Variants in EAF2 observed in about 807,000 individuals in gnomAD.
EAF2 encodes ELL-associated factor 2.
EAF2 carries 29 observed loss-of-function variants against 29.4 expected under a neutral mutation model. The ratio of observed to expected loss-of-function variants is 0.99; its 90% CI spans 0.73 to 1.35. The LOEUF is 1.35. Ranked by LOEUF, EAF2 falls within the 40% of genes most tolerant of loss-of-function variation. The pLI is 0.00. For synonymous variants in EAF2, 103 were observed against 102.5 expected (o/e 1.00, Z -0.03); for missense variants, 292 against 312.0 (o/e 0.94, Z 0.48).
chr3:121,868,728 A>G (rs1205737342), intron 4 of EAF2, among the ~76,000 whole-genome samples: 16 of 152,214 alleles, frequency 1.1e-4, no homozygotes. Flanking sequence ...TGAAGCAAAA[A>G]CTGCTAGAAC....
At chr3:121,876,429 CAGA>C (rs1709096713) in intron 5 of EAF2, among the ~76,000 whole-genome samples, 1 of 151,270 alleles carries the variant, frequency 6.6e-6, no homozygotes, top group Non-Finnish European at 1.5e-5. Flanking sequence ...AAAGTGAAAA[CAGA>C]AGGAAAGTGT....
At chr3:121,845,064 A>G (rs542638582) in intron 2 of EAF2, among the ~76,000 whole-genome samples, 1 of 151,970 alleles carries the variant, frequency 6.6e-6, no homozygotes, top group East Asian at 1.9e-4. Flanking sequence ...GAATAAGCAA[A>G]CAGAACAGTA....
intron 3 of EAF2, 110 bp downstream of exon 3, chr3:121,854,933 C>T: frequency 9.2e-7 from 1 of 1,091,776 alleles, no homozygotes; most frequent in Non-Finnish European, 1.2e-6. Context: ...CTGTGTGGTA[C>T]AAAAATGTTT....
At chr3:121,854,432 G>T (rs1249017135) in intron 2 of EAF2, among the ~76,000 whole-genome samples, 1 of 151,496 alleles carries the variant, frequency 6.6e-6, no homozygotes, top group South Asian at 2.1e-4. Flanking sequence ...ATAGGCCAAA[G>T]AAACAAATCT....
Position 121,873,246 on chromosome 3 carries a change from A to T in EAF2, c.736+458A>T, listed in dbSNP as rs1709048016. The T allele has an allele frequency of 6.0e-6, 3 of 502,826 alleles. No homozygotes were observed. The Admixed American group carries it at 1.1e-4, about 19-fold the overall frequency. The allele number at this position is 502,826 out of a possible 1,614,324, so 31.1% of individuals were successfully genotyped here. Reference sequence around the variant, plus strand: ...CCATCATCTCATCACCTTCAAATTTACTTTGTCCAAAACCAACTCATAATC... The same window carrying T: ...CCATCATCTCATCACCTTCAAATTTTCTTTGTCCAAAACCAACTCATAATC... On this transcript the variant is annotated intron_variant, in intron 5 of 5. Coordinates refer to ENST00000273668, the MANE Select transcript of EAF2 (RefSeq NM_018456.6).
intron 2 of EAF2, among the ~76,000 whole-genome samples, chr3:121,850,480 T>C (rs773299421): frequency 2.6e-5 from 4 of 152,086 alleles, no homozygotes; most frequent in Non-Finnish European, 5.9e-5. Flanking sequence ...GTTCCTCCAT[T>C]ATTTTCCTAC....
At chr3:121,864,168 G>A (rs1576649852) in intron 4 of EAF2, among the ~76,000 whole-genome samples, 1 of 152,082 alleles carries the variant, frequency 6.6e-6, no homozygotes, top group South Asian at 2.1e-4. Context: ...TGCAGTGTGG[G>A]TTATCAATGT....
intron 3 of EAF2, among the ~76,000 whole-genome samples, chr3:121,855,561 C>T (rs531770939): frequency 6.6e-6 from 1 of 152,022 alleles, no homozygotes; most frequent in Admixed American, 6.6e-5. Context: ...TTTTAATATC[C>T]CCTCACCCCT....
intron 1 of EAF2, among the ~76,000 whole-genome samples, chr3:121,843,164 A>G (rs1708464278): frequency 6.6e-6 from 1 of 152,184 alleles, no homozygotes; most frequent in Non-Finnish European, 1.5e-5. Flanking sequence ...CAGAGTTGTT[A>G]TAAGAGGTAA....
chr3:121,859,073 C>A (rs961833480), intron 4 of EAF2, among the ~76,000 whole-genome samples: 1 of 152,130 alleles, frequency 6.6e-6, no homozygotes, highest in African/African-American at 2.4e-5. Context: ...ATTACTGTAG[C>A]CTTGCAGTAT....
At chr3:121,858,419 G>A (rs967826103) in intron 4 of EAF2, among the ~76,000 whole-genome samples, 1 of 152,224 alleles carries the variant, frequency 6.6e-6, no homozygotes, top group Non-Finnish European at 1.5e-5. Context: ...CTGATGACCA[G>A]TGATGATGAG....
chr3:121,876,660 T>C (rs1330088474), intron 5 of EAF2, among the ~76,000 whole-genome samples: 1 of 152,008 alleles, frequency 6.6e-6, no homozygotes, highest in Non-Finnish European at 1.5e-5. Context: ...GGAGGATAGA[T>C]ACACTGAATC....
Position 121,835,280 on chromosome 3 carries a change from GTAAT to G in EAF2, c.-3_1del. The G allele has an allele frequency of 6.2e-7, 1 of 1,614,038 alleles. No homozygotes were observed. The highest frequency in any genetic ancestry group is 8.5e-7 in the Non-Finnish European group (1 of 1,179,858). ...GCGGAGTTAAAGTCAAAGCAGGAGA[GTAAT>G]TATGAATAGCGCAGCGGGATTCTCA... On this transcript the variant is annotated 5_prime_UTR_variant, in exon 1 of 6. Transcript: ENST00000273668.
At position 121,886,342 on chromosome 3, in the gene EAF2, G is replaced by T; in HGVS notation, c.737G>T (p.Arg246Ile). 6.8e-7 allele frequency: 1 copy of T among 1,478,342 alleles called. No individual in the cohort carries two copies. The highest frequency in any genetic ancestry group is 9.0e-7 in the Non-Finnish European group (1 of 1,108,698). 91.6% of individuals were successfully genotyped at this position (1,478,342 alleles called of 1,614,324 possible). Residue 246 changes from arginine (R) to isoleucine (I), a missense_variant and splice_region_variant, in exon 6 of 6, where the codon AGA becomes ATA. By Grantham distance (97) the Arg-to-Ile change is moderately conservative. Coordinates refer to ENST00000273668, the MANE Select transcript of EAF2 (RefSeq NM_018456.6). ...DNSGLLMNTLRNDLQLSESGS... is the reference protein window; with the variant it reads ...DNSGLLMNTLINDLQLSESGS... ...TTTTGTTATTTCTTTCTTATTTTAG[G>T]AAATGATTTGCAGCTGAGTGAATCA...
chr3:121,864,683 G>A (rs1436150108), intron 4 of EAF2, among the ~76,000 whole-genome samples: 1 of 151,996 alleles, frequency 6.6e-6, no homozygotes, highest in Admixed American at 6.5e-5. Context: ...GGGTGTGGTG[G>A]TGTATGCCTG....
rs542323310 is a variant in EAF2 at position 121,841,621 on chromosome 3, C to A, written c.107-2832C>A. Among the ~76,000 whole-genome samples, 63 of 150,520 alleles carry A rather than the reference C, an allele frequency of 4.2e-4. 2 individuals are homozygous for A. Among genetic ancestry groups the A allele is most frequent in the Middle Eastern group, 7.0e-3 (2 of 286 alleles). The stretch of plus-strand genomic sequence containing the variant: ...GGCGCAGTGGCTCATGCCTGTAATC[C>A]CAGCATTTTGGGAGGCTGAGGCGGG... On this transcript the variant is annotated intron_variant, in intron 1 of 5. Transcript: ENST00000273668.
In EAF2 at chr3:121,872,603, G is replaced by T; in HGVS notation, c.551G>T (p.Ser184Ile). ...TGTGATAGTTCATCAGATTCCAAAAGTTCATCATCTTCAAGTAGTGAGGAT... is the reference window on the plus strand; with the variant it reads ...TGTGATAGTTCATCAGATTCCAAAATTTCATCATCTTCAAGTAGTGAGGAT... ...SSCDSSSDSKSSSSSSSEDSS... is the reference protein window; with the variant it reads ...SSCDSSSDSKISSSSSSEDSS... The change falls in exon 5 of 6, where the codon AGT (serine) becomes ATT (isoleucine). Residue 184 changes from serine (S) to isoleucine (I), a missense_variant. Ser to Ile is a moderately radical substitution (Grantham distance 142). Coordinates refer to ENST00000273668, the MANE Select transcript of EAF2 (RefSeq NM_018456.6). 6.2e-7 allele frequency: 1 copy of T among 1,612,800 alleles called. No homozygotes were observed. Among genetic ancestry groups the T allele is most frequent in the Non-Finnish European group, 8.5e-7 (1 of 1,179,122 alleles).
chr3:121,876,402 A>G (rs532490290), intron 5 of EAF2, among the ~76,000 whole-genome samples: 2 of 151,892 alleles, frequency 1.3e-5, no homozygotes, highest in Non-Finnish European at 2.9e-5. Context: ...TGTTATATAT[A>G]TATTTCAGCA....
intron 5 of EAF2, among the ~76,000 whole-genome samples, chr3:121,874,624 A>G (rs142451924): frequency 3.7e-4 from 56 of 152,062 alleles, no homozygotes; most frequent in African/African-American, 1.3e-3. Flanking sequence ...TAGAGGTCAC[A>G]TTGCCTTGTA....
Sources: allele counts gnomAD v4.1 joint callset (sites outside exome capture counted in the v4.1 genomes callset), GRCh38; gene constraint gnomAD v4.1.1; transcripts MANE v1.5; gene names NCBI Gene and HGNC (gene_info 2026-07-23, HGNC 2026-07-21).